PCDH15: variants seen among roughly 807,000 people sequenced by gnomAD.
PCDH15 encodes protocadherin-15.
In PCDH15, 129 loss-of-function variants were observed where a neutral mutation model predicts 178.5. That is an observed-to-expected ratio of 0.72 (90% CI 0.63 to 0.84). The LOEUF (loss-of-function observed/expected upper bound fraction) is 0.84, where lower values mean the gene tolerates loss of function less well. Among genes scored for constraint, PCDH15 ranks in the 40% least tolerant of loss-of-function variants. The pLI is 0.00. For missense variants in PCDH15, 2,230 were observed against 2,099.9 expected, an observed-to-expected ratio of 1.06 and a Z score of -1.21; for synonymous variants, 800 against 732.0, an observed-to-expected ratio of 1.09 and a Z score of -1.50.
chr10:55,470,951 T>C (rs1022055535), intron 2 of PCDH15, among the ~76,000 whole-genome samples: 2 of 152,152 alleles, frequency 1.3e-5, no homozygotes, highest in Non-Finnish European at 2.9e-5. Context: ...CACTTTGTAA[T>C]ATGTATTTAA....
intron 16 of PCDH15, 53 bp from the exon 17 acceptor site, chr10:54,079,477 GGA>G (rs1291892487): frequency 6.6e-7 from 1 of 1,505,068 alleles, no homozygotes; most frequent in African/African-American, 1.4e-5. Flanking sequence ...TATGTCACAA[GGA>G]GAGTCTTCTT....
chr10:54,236,995 C>T lies in PCDH15; in HGVS notation c.877-64G>A, dbSNP rs12251663. On this transcript the variant is annotated intron_variant, in intron 8 of 37. Coordinates refer to ENST00000644397, the MANE Select transcript of PCDH15 (RefSeq NM_001384140.1). ...ACTAATACTTCATGAAGGATTGAGA[C>T]AGATGCTTTAGTTTGGAAATCTATA... is the stretch of plus-strand genomic sequence containing the variant. The T allele has an allele frequency of 4.2e-3, 5,627 of 1,350,846 alleles. 166 individuals are homozygous for T. The African/African-American group carries it at 0.068, about 16-fold the overall frequency. 83.7% of individuals were successfully genotyped at this position (1,350,846 alleles called of 1,614,324 possible). A position where few individuals can be genotyped will look rare whatever the true frequency, so the allele number is the denominator to read the frequency against.
intron 2 of PCDH15, among the ~76,000 whole-genome samples, chr10:55,137,596 T>C (rs1591932359): frequency 8.5e-6 from 1 of 118,158 alleles, no homozygotes; most frequent in South Asian, 2.6e-4. Context: ...AAATAGAAAA[T>C]TGACAAATTT....
intron 2 of PCDH15, among the ~76,000 whole-genome samples, chr10:55,342,469 A>T (rs1038986031): frequency 5.9e-5 from 9 of 151,698 alleles, no homozygotes; most frequent in African/African-American, 1.2e-4. Context: ...TTATTTATTT[A>T]TTTTTTAGTT....
intron 1 of PCDH15, among the ~76,000 whole-genome samples, chr10:55,243,923 T>G (rs1457579266): frequency 2.0e-5 from 3 of 152,168 alleles, no homozygotes; most frequent in Non-Finnish European, 4.4e-5. Context: ...CATTTGACTC[T>G]GTAAAATAAT....
chr10:53,897,535 G>A (rs887237365), intron 26 of PCDH15, among the ~76,000 whole-genome samples: 2 of 152,060 alleles, frequency 1.3e-5, no homozygotes, highest in African/African-American at 2.4e-5. Context: ...TAAAATGTAC[G>A]TAACACAAAA....
chr10:54,774,816 C>A (rs1949515080), intron 1 of PCDH15, among the ~76,000 whole-genome samples: 1 of 152,114 alleles, frequency 6.6e-6, no homozygotes, highest in South Asian at 2.1e-4. Context: ...GGGCTTACTA[C>A]TTTCAGTACC....
chr10:53,822,995 T>TGACTGAC (rs775263888), intron 32 of PCDH15: 1 of 1,614,080 alleles, frequency 6.2e-7, no homozygotes, highest in Non-Finnish European at 8.5e-7. Context: ...GTAAGCTGAC[T>TGACTGAC]GACTGACTCC....
chr10:55,072,377 A>G (rs1841770664), intron 2 of PCDH15, among the ~76,000 whole-genome samples: 1 of 152,196 alleles, frequency 6.6e-6, no homozygotes, highest in Non-Finnish European at 1.5e-5. Flanking sequence ...AAAATGAGAG[A>G]AGAATCAAAT....
intron 2 of PCDH15, among the ~76,000 whole-genome samples, chr10:55,580,194 A>C (rs554220912): frequency 6.6e-6 from 1 of 152,172 alleles, no homozygotes; most frequent in South Asian, 2.1e-4. Flanking sequence ...GTGAATTTAT[A>C]TAAATAACAT....
chr10:54,903,967 A>T (rs1954680336), intron 2 of PCDH15, among the ~76,000 whole-genome samples: 1 of 152,090 alleles, frequency 6.6e-6, no homozygotes, highest in African/African-American at 2.4e-5. Flanking sequence ...CTAGACAATG[A>T]CATATTATTA....
At chr10:54,085,584 T>C (rs1296065492) in intron 16 of PCDH15, among the ~76,000 whole-genome samples, 2 of 152,144 alleles carry the variant, frequency 1.3e-5, no homozygotes, top group East Asian at 1.9e-4. Context: ...GAAAAGATAC[T>C]AGAAAAATGC....
chr10:54,305,003 T>G (rs2060378219), intron 8 of PCDH15, among the ~76,000 whole-genome samples: 1 of 152,044 alleles, frequency 6.6e-6, no homozygotes, highest in African/African-American at 2.4e-5. Flanking sequence ...GAAAAAATCT[T>G]AATCATAAAG....
chr10:54,563,645 C>G (rs2088564163), intron 2 of PCDH15, among the ~76,000 whole-genome samples: 1 of 152,054 alleles, frequency 6.6e-6, no homozygotes, highest in South Asian at 2.1e-4. Flanking sequence ...GAATGTAGCT[C>G]AATTAACAAT....
intron 2 of PCDH15, among the ~76,000 whole-genome samples, chr10:55,393,182 C>G (rs1837841333): frequency 6.6e-6 from 1 of 151,990 alleles, no homozygotes; most frequent in Non-Finnish European, 1.5e-5. Flanking sequence ...TGATGGTCCT[C>G]AAATTTAGGT....
intron 2 of PCDH15, among the ~76,000 whole-genome samples, chr10:55,068,813 T>G (rs1159771626): frequency 6.6e-6 from 1 of 151,836 alleles, no homozygotes; most frequent in Non-Finnish European, 1.5e-5. Context: ...TCCCTACAGA[T>G]CTCTTTCACC....
chr10:55,580,575 C>G (rs1330196213), intron 2 of PCDH15, among the ~76,000 whole-genome samples: 1 of 151,946 alleles, frequency 6.6e-6, no homozygotes, highest in Admixed American at 6.6e-5. Flanking sequence ...CCAGGCTGGT[C>G]TGGTCTCAAA....
chr10:54,066,940 C>A, intron 17 of PCDH15, 55 bp from the exon 18 acceptor site: 1 of 1,550,482 alleles, frequency 6.4e-7, no homozygotes, highest in South Asian at 1.1e-5. Flanking sequence ...ACTTAGAATT[C>A]ATTTAAGTAG....
In PCDH15 at chr10:54,238,689, A is replaced by T. The variant is rs1338777057; in HGVS notation, c.877-1758T>A. Among the ~76,000 whole-genome samples the T allele has an allele frequency of 6.1e-3, 907 of 149,368 alleles. 5 individuals carry two copies. Among genetic ancestry groups the T allele is most frequent in the African/African-American group, 0.019 (789 of 40,696 alleles). ...CTCTCTCTCTCTCTCACACACACAC[A>T]CACACACACACACACACACACACAC... On this transcript the variant is annotated intron_variant, in intron 8 of 37. Transcript: ENST00000644397.
Sources: gnomAD v4.1 joint callset for allele counts (sites outside exome capture counted in the v4.1 genomes callset) on GRCh38, gnomAD v4.1.1 for gene constraint, MANE v1.5 for transcripts, NCBI Gene and HGNC (gene_info 2026-07-23, HGNC 2026-07-21) for gene names.